RB1CC1: variants seen among roughly 807,000 people sequenced by gnomAD.
RB1CC1 encodes the protein RB1 inducible coiled-coil 1.
A neutral mutation model predicts 177.5 loss-of-function variants in RB1CC1; 46 were observed. That is an observed-to-expected ratio of 0.26 (90% CI 0.20 to 0.33). The LOEUF (loss-of-function observed/expected upper bound fraction) is 0.33, where lower values mean the gene tolerates loss of function less well. Among genes scored for constraint, RB1CC1 ranks in the 10% least tolerant of loss-of-function variants. RB1CC1 has a pLI of 1.00. For missense variants in RB1CC1, 1,703 were observed against 1,816.3 expected, an observed-to-expected ratio of 0.94 and a Z score of 1.13; for synonymous variants, 666 against 613.6, an observed-to-expected ratio of 1.09 and a Z score of -1.26.
intron 8 of RB1CC1, among the ~76,000 whole-genome samples, chr8:52,666,518 C>CA (rs1158339036): frequency 0.013 from 1,666 of 131,046 alleles, 23 homozygotes; most frequent in African/African-American, 0.042. Context: ...AACTTCCTCT[C>CA]AAAAAAAAAA....
chr8:52,667,490 G>A (rs996384692), intron 8 of RB1CC1, among the ~76,000 whole-genome samples: 3 of 152,124 alleles, frequency 2.0e-5, no homozygotes, highest in Admixed American at 2.0e-4. Context: ...AGGCAATCAT[G>A]AATTTAAGAG....
chr8:52,648,089 A>G (rs1349643231), intron 15 of RB1CC1, among the ~76,000 whole-genome samples: 1 of 152,148 alleles, frequency 6.6e-6, no homozygotes, highest in Non-Finnish European at 1.5e-5. Flanking sequence ...AAGAGGACAC[A>G]GTTCCAGGTA....
chr8:52,659,990 CTT>C (rs1031748397), intron 12 of RB1CC1, among the ~76,000 whole-genome samples: 9 of 152,184 alleles, frequency 5.9e-5, no homozygotes, highest in African/African-American at 2.4e-5. Flanking sequence ...GAGCAAGACT[CTT>C]GTCTCCAAAA....
chr8:52,624,289 A>G (rs932603884), intron 23 of RB1CC1, among the ~76,000 whole-genome samples: 3 of 152,054 alleles, frequency 2.0e-5, no homozygotes, highest in East Asian at 3.9e-4. Flanking sequence ...GAGCACTGAT[A>G]TTGTTATACA....
At chr8:52,625,827 A>G (rs890019459) in intron 22 of RB1CC1, among the ~76,000 whole-genome samples, 2 of 152,230 alleles carry the variant, frequency 1.3e-5, no homozygotes, top group African/African-American at 4.8e-5. Context: ...AAAGTCAAAA[A>G]GTTTTAAGTA....
At chr8:52,678,714 T>G (rs1853392804) in intron 5 of RB1CC1, among the ~76,000 whole-genome samples, 1 of 148,586 alleles carries the variant, frequency 6.7e-6, no homozygotes. Context: ...ATGAACAAAT[T>G]TAGGTGAAAA....
intron 16 of RB1CC1, among the ~76,000 whole-genome samples, chr8:52,644,522 A>G (rs1849842403): frequency 6.6e-6 from 1 of 152,204 alleles, no homozygotes; most frequent in Non-Finnish European, 1.5e-5. Context: ...ATAAATCCAG[A>G]TTCTTAGAGA....
intron 9 of RB1CC1, 85 bp downstream of exon 9, chr8:52,661,449 AG>A (rs1340992019): frequency 6.8e-7 from 1 of 1,462,532 alleles, no homozygotes; most frequent in African/African-American, 1.4e-5. Context: ...ATAAAATGGT[AG>A]GGAAAAATCA....
At chr8:52,675,431 G>GCA (rs1223246850) in intron 6 of RB1CC1, among the ~76,000 whole-genome samples, 1 of 151,936 alleles carries the variant, frequency 6.6e-6, no homozygotes, top group South Asian at 2.1e-4. Flanking sequence ...AAAAGCATAT[G>GCA]CACACACACA....
intron 22 of RB1CC1, among the ~76,000 whole-genome samples, chr8:52,625,931 G>A (rs1848357235): frequency 1.3e-5 from 2 of 152,228 alleles, no homozygotes; most frequent in South Asian, 4.1e-4. Context: ...AATAATTTGG[G>A]AAGATATACA....
intron 1 of RB1CC1, among the ~76,000 whole-genome samples, chr8:52,703,149 A>G (rs940209765): frequency 1.3e-5 from 2 of 152,112 alleles, no homozygotes; most frequent in Non-Finnish European, 2.9e-5. Context: ...TTGGTTTAAT[A>G]TATTTTAACA....
intron 1 of RB1CC1, among the ~76,000 whole-genome samples, chr8:52,692,111 A>T (rs566684074): frequency 6.6e-6 from 1 of 152,332 alleles, no homozygotes; most frequent in Admixed American, 6.5e-5. Context: ...AACAAAAGTA[A>T]ACTTAGCCAG....
At chr8:52,703,144 TTAATA>T (rs1366770894) in intron 1 of RB1CC1, among the ~76,000 whole-genome samples, 1 of 152,168 alleles carries the variant, frequency 6.6e-6, no homozygotes, top group Non-Finnish European at 1.5e-5. Flanking sequence ...TCAACTTGGT[TTAATA>T]TATTTTAACA....
At chr8:52,669,459 T>C (rs912378604) in intron 7 of RB1CC1, among the ~76,000 whole-genome samples, 3 of 152,194 alleles carry the variant, frequency 2.0e-5, no homozygotes, top group East Asian at 1.9e-4. Context: ...GATTAATGCA[T>C]AGAGTCTTGT....
intron 22 of RB1CC1, among the ~76,000 whole-genome samples, chr8:52,625,356 C>T (rs981321078): frequency 6.6e-5 from 10 of 152,048 alleles, no homozygotes; most frequent in Admixed American, 6.6e-4. Flanking sequence ...AAGGGCAGTA[C>T]TTGTGTGAAT....
Position 52,658,962 on chromosome 8 carries a change from T to G in RB1CC1, c.1704A>C (p.Arg568=), listed in dbSNP as rs1483172702. Reference sequence around the variant, plus strand: ...TATCTGGAAGTTCACAGTCAAACTTTCGAGGCTTTTGAGTCTGTACCAAAA... The same window carrying G: ...TATCTGGAAGTTCACAGTCAAACTTGCGAGGCTTTTGAGTCTGTACCAAAA... ...WPPSFCTQKP[R]KFDCELPDIS... The change falls in exon 13 of 24, where the codon CGA becomes CGC. Residue 568 remains arginine (R), a synonymous_variant. Transcript: ENST00000025008. 6.4e-7 allele frequency: 1 copy of G among 1,558,778 alleles called. No homozygotes were observed. The highest frequency in any genetic ancestry group is 1.4e-5 in the African/African-American group (1 of 72,398).
chr8:52,694,097 G>A (rs1313889649), intron 1 of RB1CC1, among the ~76,000 whole-genome samples: 1 of 152,114 alleles, frequency 6.6e-6, no homozygotes, highest in South Asian at 2.1e-4. Flanking sequence ...GCCAAGAACA[G>A]AGCTGAGTGT....
rs750456882 is a variant in RB1CC1 at position 52,627,982 on chromosome 8, A to G, written c.4636+50T>C. 7 of 1,460,528 alleles carry G rather than the reference A, an allele frequency of 4.8e-6. No individual in the cohort carries two copies. In the East Asian group the frequency reaches 1.8e-4, roughly 37 times the overall value. The allele number at this position is 1,460,528 out of a possible 1,614,324, so 90.5% of individuals were successfully genotyped here. On this transcript the variant is annotated intron_variant, in intron 22 of 23. Transcript: ENST00000025008. ...CAGGGAAAAAAAAATCTTTACTTAT[A>G]TAATTTCCTCCATTCCAGGTTTATA...
intron 15 of RB1CC1, among the ~76,000 whole-genome samples, chr8:52,652,495 C>A (rs1850690870): frequency 6.6e-6 from 1 of 151,178 alleles, no homozygotes; most frequent in Non-Finnish European, 1.5e-5. Flanking sequence ...ATGTATGCCA[C>A]CATGTAATGA....
Sources: gnomAD v4.1 joint callset for allele counts (sites outside exome capture counted in the v4.1 genomes callset) on GRCh38, gnomAD v4.1.1 for gene constraint, MANE v1.5 for transcripts, NCBI Gene and HGNC (gene_info 2026-07-23, HGNC 2026-07-21) for gene names.